Variants in RTF1 observed in about 807,000 individuals in gnomAD.
RTF1 encodes RNA polymerase-associated protein RTF1 homolog.
RTF1 carries 10 observed loss-of-function variants against 95.7 expected under a neutral mutation model. The ratio of observed to expected loss-of-function variants is 0.10; its 90% CI spans 0.06 to 0.18. The LOEUF is 0.18. Among genes scored for constraint, RTF1 ranks in the 10% least tolerant of loss-of-function variants. RTF1 has a pLI of 1.00. For synonymous variants in RTF1, 305 were observed against 311.8 expected, an observed-to-expected ratio of 0.98 and a Z score of 0.23; for missense variants, 458 against 875.6, an observed-to-expected ratio of 0.52 and a Z score of 6.02.
At chr15:41,417,370 GGGAGCC>G (rs879616262) in intron 1 of RTF1, 57 bp downstream of exon 1, 14 of 1,236,200 alleles carry the variant, frequency 1.1e-5, no homozygotes, top group Non-Finnish European at 1.1e-5. Context: ...TCGGGGCCGC[GGGAGCC>G]GGAGACGGCC....
intron 4 of RTF1, among the ~76,000 whole-genome samples, chr15:41,464,066 G>T (rs372376181): frequency 5.0e-4 from 76 of 150,946 alleles, no homozygotes; most frequent in African/African-American, 1.9e-3. Flanking sequence ...TGGCCAGGAT[G>T]GTCTCAATCT....
chr15:41,451,085 A>G (rs2050787503), intron 2 of RTF1, among the ~76,000 whole-genome samples: 1 of 152,072 alleles, frequency 6.6e-6, no homozygotes, highest in Non-Finnish European at 1.5e-5. Flanking sequence ...CTACACCTCT[A>G]CCCAACCCCA....
chr15:41,444,358 A>G (rs1291083661), intron 2 of RTF1, among the ~76,000 whole-genome samples: 1 of 151,704 alleles, frequency 6.6e-6, no homozygotes, highest in Non-Finnish European at 1.5e-5. Context: ...CAGTGGTGCA[A>G]TCTCAGCTCA....
Position 41,475,717 on chromosome 15 carries a change from C to G in RTF1, c.1380C>G (p.Phe460Leu), listed in dbSNP as rs2050938938. The G allele has an allele frequency of 6.2e-7, 1 of 1,608,914 alleles. No homozygotes were observed. Among genetic ancestry groups the G allele is most frequent in the Admixed American group, 1.7e-5 (1 of 59,826 alleles). The change falls in exon 11 of 18, where the codon TTC (phenylalanine) becomes TTG (leucine). Residue 460 changes from phenylalanine (F) to leucine (L), a missense_variant. Physicochemically the swap from Phe to Leu is conservative, Grantham distance 22. Transcript: ENST00000389629. ...SEFMKWKEAMFSAGMQLPTLD... is the reference protein window; with the variant it reads ...SEFMKWKEAMLSAGMQLPTLD... ...GTATCGTGTTTTTGATCCAGATGTT[C>G]TCTGCTGGCATGCAGTTGCCCACTC...
intron 6 of RTF1, among the ~76,000 whole-genome samples, chr15:41,466,744 G>T (rs374452438): frequency 6.6e-6 from 1 of 152,158 alleles, no homozygotes; most frequent in South Asian, 2.1e-4. Flanking sequence ...CTGTTAATAC[G>T]TCCCTTAAGG....
intron 2 of RTF1, among the ~76,000 whole-genome samples, chr15:41,439,428 A>C (rs2050721690): frequency 6.6e-6 from 1 of 152,142 alleles, no homozygotes; most frequent in African/African-American, 2.4e-5. Context: ...GAAATACTTT[A>C]GTGAGAAAAG....
chr15:41,456,233 T>TCCCA (rs2050815204), intron 3 of RTF1, among the ~76,000 whole-genome samples: 2 of 149,672 alleles, frequency 1.3e-5, no homozygotes, highest in Non-Finnish European at 3.0e-5. Context: ...ATGCCAGTAA[T>TCCCA]CCCAGCACTT....
intron 1 of RTF1, among the ~76,000 whole-genome samples, chr15:41,422,600 A>G (rs537706264): frequency 3.3e-5 from 5 of 152,256 alleles, no homozygotes; most frequent in African/African-American, 1.2e-4. Context: ...TAAAAATTTT[A>G]CTCTACCTTT....
chr15:41,436,979 C>G (rs905021411), intron 1 of RTF1, among the ~76,000 whole-genome samples: 1 of 145,046 alleles, frequency 6.9e-6, no homozygotes, highest in Non-Finnish European at 1.5e-5. Flanking sequence ...CCCAGCTACT[C>G]GGGAGGTTGA....
Position 41,452,943 on chromosome 15 carries a change from A to G in RTF1, c.352A>G (p.Arg118Gly). The change falls in exon 3 of 18, where the codon AGA becomes GGA. Residue 118 changes from arginine to glycine, a missense_variant. Arg to Gly is a moderately radical substitution (Grantham distance 125). Coordinates refer to ENST00000389629, the MANE Select transcript of RTF1 (RefSeq NM_015138.5). Reference sequence around the variant, plus strand: ...TAAAAATAAGAAGAAAGGAAAAGCCAGAAAAATAGAGAAGAAAGGAACCAT... The same window carrying G: ...TAAAAATAAGAAGAAAGGAAAAGCCGGAAAAATAGAGAAGAAAGGAACCAT... ...SNKNKKKGKARKIEKKGTMKK... is the reference protein window; with the variant it reads ...SNKNKKKGKAGKIEKKGTMKK... 6.2e-7 allele frequency: 1 copy of G among 1,612,316 alleles called. No individual in the cohort carries two copies. The highest frequency in any genetic ancestry group is 8.5e-7 in the Non-Finnish European group (1 of 1,179,440).
At chr15:41,464,032 A>G (rs927556876) in intron 4 of RTF1, among the ~76,000 whole-genome samples, 3 of 150,872 alleles carry the variant, frequency 2.0e-5, no homozygotes, top group African/African-American at 7.3e-5. Flanking sequence ...TTGTATTTTT[A>G]GTGGAGATGG....
At chr15:41,446,486 A>T (rs1027197568) in intron 2 of RTF1, among the ~76,000 whole-genome samples, 27 of 152,096 alleles carry the variant, frequency 1.8e-4, no homozygotes, top group African/African-American at 6.0e-4. Flanking sequence ...GAATCGCTTG[A>T]ACCCAGGAGG....
chr15:41,478,357 C>T lies in RTF1; in HGVS notation c.1741-191C>T, dbSNP rs562968039. ...CAGCAGATGCAATGAGCTGAGATTG[C>T]GTCACTGCACTTCAGCCTAGGCGAC... is the stretch of plus-strand genomic sequence containing the variant. On this transcript the variant is annotated intron_variant, in intron 14 of 17. Coordinates refer to ENST00000389629, the MANE Select transcript of RTF1 (RefSeq NM_015138.5). The T allele has an allele frequency of 1.3e-4, 73 of 550,354 alleles. No individual in the cohort carries two copies. In the African/African-American group the frequency reaches 1.3e-3, roughly 10 times the overall value. The allele number at this position is 550,354 out of a possible 1,614,324, so 34.1% of individuals were successfully genotyped here. A position where few individuals can be genotyped will look rare whatever the true frequency, so the allele number is the denominator to read the frequency against.
chr15:41,430,375 A>G (rs951615531), intron 1 of RTF1, among the ~76,000 whole-genome samples: 2 of 151,678 alleles, frequency 1.3e-5, no homozygotes, highest in Non-Finnish European at 2.9e-5. Flanking sequence ...TTGTATTTTT[A>G]GTAGAGACAG....
chr15:41,478,452 T>C (rs1341342009), intron 14 of RTF1, 96 bp from the exon 15 acceptor site: 9 of 878,106 alleles, frequency 1.0e-5, no homozygotes, highest in Non-Finnish European at 1.6e-5. Flanking sequence ...TTTTTTTTTT[T>C]TCAGTCCCGT....
intron 1 of RTF1, among the ~76,000 whole-genome samples, chr15:41,437,954 C>T (rs555227496): frequency 2.6e-5 from 4 of 152,252 alleles, no homozygotes; most frequent in South Asian, 4.1e-4. Flanking sequence ...AATACTAAAC[C>T]GGATAAAACA....
rs936483291 is a variant in RTF1 at position 41,483,340 on chromosome 15, T to A, written c.*2653T>A. The A allele has an allele frequency of 2.0e-5, 3 of 152,656 alleles. No homozygotes were observed. Among genetic ancestry groups the A allele is most frequent in the African/African-American group, 4.8e-5 (2 of 41,444 alleles). The allele number at this position is 152,656 out of a possible 1,614,324, so 9.5% of individuals were successfully genotyped here. A position where few individuals can be genotyped will look rare whatever the true frequency, so the allele number is the denominator to read the frequency against. ...GGTGCAGCACCCAAGGTTGTTTTTA[T>A]GCATTTTTTCAGTTCCTTCCAAGAA... On this transcript the variant is annotated 3_prime_UTR_variant, in exon 18 of 18. Coordinates refer to ENST00000389629, the MANE Select transcript of RTF1 (RefSeq NM_015138.5).
intron 3 of RTF1, among the ~76,000 whole-genome samples, chr15:41,456,185 C>A: frequency 7.2e-6 from 1 of 139,480 alleles, no homozygotes. Flanking sequence ...AGTGAAACTC[C>A]ATCTCAAAAA....
chr15:41,422,400 A>T (rs1451181015), intron 1 of RTF1, among the ~76,000 whole-genome samples: 1 of 152,180 alleles, frequency 6.6e-6, no homozygotes, highest in Non-Finnish European at 1.5e-5. Context: ...CCTTTCTTCA[A>T]CATTTTTAAA....
Sources: gnomAD v4.1 joint callset for allele counts (sites outside exome capture counted in the v4.1 genomes callset) on GRCh38, gnomAD v4.1.1 for gene constraint, MANE v1.5 for transcripts, NCBI Gene and HGNC (gene_info 2026-07-23, HGNC 2026-07-21) for gene names.